ACHE: variants seen among roughly 807,000 people sequenced by gnomAD.
The protein encoded by ACHE is acetylcholinesterase.
Under a neutral mutation model 53.9 loss-of-function variants are expected in ACHE, and 19 were observed. The ratio of observed to expected loss-of-function variants is 0.35; its 90% CI spans 0.25 to 0.52. The LOEUF (loss-of-function observed/expected upper bound fraction) is 0.52. Among genes scored for constraint, ACHE ranks in the 20% least tolerant of loss-of-function variants. The pLI is 0.95. For synonymous variants in ACHE, 392 were observed against 378.1 expected (o/e 1.04, Z -0.43); for missense variants, 605 against 849.4 (o/e 0.71, Z 3.58).
chr7:100,892,522 C>T lies in ACHE; in HGVS notation c.1365G>A (p.Arg455=), dbSNP rs759952889. Residue 455 remains arginine, a synonymous_variant, in exon 3 of 5, where the codon CGG becomes CGA. Coordinates refer to ENST00000241069, the MANE Select transcript of ACHE (RefSeq NM_000665.5). This position sits in a 1 kb window ranked among gnomAD's most constrained non-coding sequence, Gnocchi z 5.2. ...LAGRLAAQGA[R]VYAYVFEHRA... is the part of the protein sequence containing the mutation. ...GGTGTTCAAAGACGTAGGCGTAGAC[C>T]CGGGCACCCTGGGCAGCCAGTCGCC... The T allele has an allele frequency of 1.3e-5, 21 of 1,608,318 alleles. No individual in the cohort carries two copies. In the South Asian group the frequency reaches 2.1e-4, roughly 16 times the overall value.
Position 100,892,280 on chromosome 7 carries a change from C to T in ACHE, c.1553+54G>A. 1 of 1,473,246 alleles carries T rather than the reference C, an allele frequency of 6.8e-7. No homozygotes were observed. 91.3% of individuals were successfully genotyped at this position (1,473,246 alleles called of 1,614,324 possible). ...CTCCGTGTGTCTGCCTTTGTGTGTC[C>T]TCCCGCCCCCGACTCCTGTCCTCCC... is the stretch of plus-strand genomic sequence containing the variant. On this transcript the variant is annotated intron_variant, in intron 3 of 4. Coordinates refer to ENST00000241069, the MANE Select transcript of ACHE (RefSeq NM_000665.5). The surrounding 1 kb of genome is among the most constrained non-coding windows in gnomAD (Gnocchi z 5.2).
rs1790745631 is a variant in ACHE, at chr7:100,892,269, C to T, written c.1553+65G>A. ...GTCCTTTCTGTCTCCGTGTGTCTGCCTTTGTGTGTCCTCCCGCCCCCGACT... is the reference window on the plus strand; with the variant it reads ...GTCCTTTCTGTCTCCGTGTGTCTGCTTTTGTGTGTCCTCCCGCCCCCGACT... On this transcript the variant is annotated intron_variant, in intron 3 of 4. Transcript: ENST00000241069. This position sits in a 1 kb window ranked among gnomAD's most constrained non-coding sequence, Gnocchi z 5.2. 1.1e-5 allele frequency: 16 copies of T among 1,466,588 alleles called. No homozygotes were observed. Among genetic ancestry groups the T allele is most frequent in the Non-Finnish European group, 1.4e-5 (15 of 1,105,004 alleles). The allele number at this position is 1,466,588 out of a possible 1,614,324, so 90.8% of individuals were successfully genotyped here.
chr7:100,890,600 A>C, intron 4 of ACHE: 1 of 1,349,430 alleles, frequency 7.4e-7, no homozygotes, highest in Non-Finnish European at 9.5e-7. Context: ...AACAGAGGGG[A>C]CAGGAGGGGG....
At chr7:100,890,371 G>A (rs1790592561) in intron 4 of ACHE, 36 bp from the exon 5 acceptor site, 2 of 1,591,520 alleles carry the variant, frequency 1.3e-6, no homozygotes, top group Non-Finnish European at 1.7e-6. Context: ...GGGAGGGGAG[G>A]ACGGCACGAG....
rs1790787738 is a variant in ACHE, at chr7:100,892,898, G to A, written c.1069-80C>T. 1.4e-6 allele frequency: 2 copies of A among 1,452,690 alleles called. No individual in the cohort carries two copies. The highest frequency in any genetic ancestry group is 1.4e-5 in the African/African-American group (1 of 70,590). 90.0% of individuals were successfully genotyped at this position (1,452,690 alleles called of 1,614,324 possible). A position where few individuals can be genotyped will look rare whatever the true frequency, so the allele number is the denominator to read the frequency against. ...AGACAGAAACAGATGGACAGACAAA[G>A]AGCCAGAGAGATGAACAGTTACAGA... On this transcript the variant is annotated intron_variant, in intron 2 of 4. Coordinates refer to ENST00000241069, the MANE Select transcript of ACHE (RefSeq NM_000665.5). The surrounding 1 kb of genome is among the most constrained non-coding windows in gnomAD (Gnocchi z 5.2).
intron 4 of ACHE, 148 bp downstream of exon 4, chr7:100,891,021 G>C (rs763956991): frequency 1.4e-6 from 2 of 1,456,546 alleles, no homozygotes; most frequent in African/African-American, 1.4e-5. Context: ...GGAGGGGCAG[G>C]GGGAGGCCGG....
Position 100,893,395 on chromosome 7 carries a change from T to A in ACHE, c.838A>T (p.Thr280Ser). Residue 280 changes from threonine (T) to serine (S), a missense_variant, in exon 2 of 5, where the codon ACG becomes TCG. Physicochemically the swap from Thr to Ser is moderately conservative, Grantham distance 58. This residue lies in a region of ACHE where 397 missense variants were observed against 632.5 expected (regional missense o/e 0.63). Coordinates refer to ENST00000241069, the MANE Select transcript of ACHE (RefSeq NM_000665.5). ...CAGCCCACAAGGTGGGCCAGCTGCGTGGCCCTGCGACGGGCCTCTCCCATG... is the reference window on the plus strand; with the variant it reads ...CAGCCCACAAGGTGGGCCAGCTGCGAGGCCCTGCGACGGGCCTCTCCCATG... The part of the protein sequence containing the change: ...VGMGEARRRA[T>S]QLAHLVGCPP... 1 of 1,612,824 alleles carries A rather than the reference T, an allele frequency of 6.2e-7. No individual in the cohort carries two copies. The highest frequency in any genetic ancestry group is 8.5e-7 in the Non-Finnish European group (1 of 1,179,896).
Position 100,893,811 on chromosome 7 carries a change from G to A in ACHE, c.422C>T (p.Ser141Phe). 6.2e-7 allele frequency: 1 copy of A among 1,613,620 alleles called. No individual in the cohort carries two copies. Among genetic ancestry groups the A allele is most frequent in the Non-Finnish European group, 8.5e-7 (1 of 1,179,898 alleles). Residue 141 changes from serine (S) to phenylalanine (F), a missense_variant, in exon 2 of 5, where the codon TCC (serine) becomes TTC (phenylalanine). This residue lies in a region of ACHE where 397 missense variants were observed against 632.5 expected (regional missense o/e 0.63). Transcript: ENST00000241069. ...GATCCAGACGAGGACAGGGGTGGGG[G>A]ATGTAGGCCGGGGGTATGGTGTCCA... ...NVWTPYPRPT[S>F]PTPVLVWIYG... is the part of the protein sequence containing the mutation.
In ACHE at chr7:100,893,426, C is replaced by T. The variant is rs17228581; in HGVS notation, c.807G>A (p.Thr269=). 8.9e-4 allele frequency: 1,426 copies of T among 1,610,146 alleles called. 12 individuals carry two copies. In the African/African-American group the frequency reaches 0.016, roughly 18 times the overall value. The stretch of plus-strand genomic sequence containing the variant: ...TGCGACGGGCCTCTCCCATGCCCAC[C>T]GTGGCCCAGGGTCCATTGGGGGCAC... ...QSGAPNGPWA[T]VGMGEARRRA... is the part of the protein sequence containing the mutation. The change falls in exon 2 of 5, where the codon ACG becomes ACA. Residue 269 remains threonine (T), a synonymous_variant. Transcript: ENST00000241069.
In ACHE at chr7:100,890,800, G is replaced by A. The variant is rs1417988458; in HGVS notation, c.1723+369C>T. The A allele has an allele frequency of 2.9e-6, 4 of 1,360,820 alleles. No individual in the cohort carries two copies. The African/African-American group carries it at 5.9e-5, about 20-fold the overall frequency. 84.3% of individuals were successfully genotyped at this position (1,360,820 alleles called of 1,614,324 possible). ...GGCGTGGGGGTCCCTGAGAAGGGTG[G>A]GAGGCACGGCCCCCTCCTCCTGCCC... is the stretch of plus-strand genomic sequence containing the variant. On this transcript the variant is annotated intron_variant, in intron 4 of 4. Coordinates refer to ENST00000241069, the MANE Select transcript of ACHE (RefSeq NM_000665.5).
intron 1 of ACHE, among the ~76,000 whole-genome samples, chr7:100,894,659 G>A (rs1480257716): frequency 0.062 from 2 of 32 alleles, no homozygotes; most frequent in Non-Finnish European, 0.1. Flanking sequence ...GGAGCTTGCG[G>A]CGGCCTGAAG....
At chr7:100,891,394 A>G in intron 3 of ACHE, 56 bp from the exon 4 acceptor site, 1 of 1,473,450 alleles carries the variant, frequency 6.8e-7, no homozygotes, top group Non-Finnish European at 9.0e-7. Context: ...GGTGGCCCCC[A>G]ACTCCACGGG....
intron 4 of ACHE, 118 bp from the exon 5 acceptor site, chr7:100,890,453 G>T (rs1407855802): frequency 2.6e-5 from 39 of 1,477,198 alleles, no homozygotes; most frequent in Non-Finnish European, 3.4e-5. Context: ...ACGGAGAAAT[G>T]CAGGCGACCA....
chr7:100,890,567 G>A lies in ACHE; in HGVS notation c.1724-232C>T. The A allele has an allele frequency of 6.7e-6, 9 of 1,341,768 alleles. No homozygotes were observed. The Admixed American group carries it at 9.6e-5, about 14-fold the overall frequency. 83.1% of individuals were successfully genotyped at this position (1,341,768 alleles called of 1,614,324 possible). ...GGACAGCAGGAAGGAGAGAGGAGGAGAAAAGAATGACCGGAAGACGGGAAC... is the reference window on the plus strand; with the variant it reads ...GGACAGCAGGAAGGAGAGAGGAGGAAAAAAGAATGACCGGAAGACGGGAAC... On this transcript the variant is annotated intron_variant, in intron 4 of 4. Coordinates refer to ENST00000241069, the MANE Select transcript of ACHE (RefSeq NM_000665.5).
intron 3 of ACHE, among the ~76,000 whole-genome samples, chr7:100,891,995 C>G (rs1454865823): frequency 6.6e-6 from 1 of 151,658 alleles, no homozygotes; most frequent in Non-Finnish European, 1.5e-5. Flanking sequence ...GTTATGTTGT[C>G]CAGTCTGGTC....
At chr7:100,894,547 A>C (rs17882803) in intron 1 of ACHE, among the ~76,000 whole-genome samples, 143 of 152,180 alleles carry the variant, frequency 9.4e-4, no homozygotes, top group African/African-American at 3.1e-3. Flanking sequence ...TCTTCCCGGA[A>C]CTGGGCCGGG....
Position 100,893,375 on chromosome 7 carries a change from C to T in ACHE, c.858G>A (p.Val286=), listed in dbSNP as rs1790816245. 1 of 1,613,328 alleles carries T rather than the reference C, an allele frequency of 6.2e-7. No individual in the cohort carries two copies. Among genetic ancestry groups the T allele is most frequent in the African/African-American group, 1.3e-5 (1 of 74,938 alleles). The change falls in exon 2 of 5, where the codon GTG becomes GTA. Residue 286 remains valine (V), a synonymous_variant. Coordinates refer to ENST00000241069, the MANE Select transcript of ACHE (RefSeq NM_000665.5). The part of the protein sequence containing the change: ...RRRATQLAHL[V]GCPPGGTGGN... ...CACCAGTGCCGCCTGGAGGACAGCC[C>T]ACAAGGTGGGCCAGCTGCGTGGCCC...
chr7:100,893,124 A>C (rs1584774369), intron 2 of ACHE, 41 bp downstream of exon 2: 1 of 1,592,142 alleles, frequency 6.3e-7, no homozygotes, highest in Non-Finnish European at 8.6e-7. Context: ...GACCGTTGGG[A>C]CCCAGAGGAG....
At chr7:100,891,480 C>T (rs1178645881) in intron 3 of ACHE, 142 bp from the exon 4 acceptor site, 8 of 800,962 alleles carry the variant, frequency 1.0e-5, no homozygotes, top group Middle Eastern at 3.9e-4. Flanking sequence ...CCAATGTGCG[C>T]GGTCATTGGG....
Sources: gnomAD v4.1 joint callset for allele counts (sites outside exome capture counted in the v4.1 genomes callset) on GRCh38, gnomAD v4.1.1 for gene constraint, gnomAD v4.1.1 regional missense constraint, Gnocchi (gnomAD v3.1) non-coding constraint, MANE v1.5 for transcripts, NCBI Gene and HGNC (gene_info 2026-07-23, HGNC 2026-07-21) for gene names.